The following CDKN1A variants were observed in gnomAD, a reference collection of about 807,000 sequenced individuals.
CDKN1A encodes the protein cyclin dependent kinase inhibitor 1A.
CDKN1A carries 14 observed loss-of-function variants against 14.8 expected under a neutral mutation model. The observed-to-expected ratio is 0.94, with a 90% CI of 0.62 to 1.48. CDKN1A has a LOEUF of 1.48. Ranked by LOEUF, CDKN1A falls within the 40% of genes most tolerant of loss-of-function variation. CDKN1A has a pLI of 0.00. For missense variants in CDKN1A, 203 were observed against 231.7 expected (o/e 0.88, Z 0.80); for synonymous variants, 92 against 93.5 (o/e 0.98, Z 0.09).
upstream of CDKN1A, among the ~76,000 whole-genome samples, chr6:36,677,181 T>C (rs3829967): frequency 0.14 from 21,476 of 152,052 alleles, 1,836 homozygotes; most frequent in African/African-American, 0.23. Context: ...TGCCGTGGCC[T>C]TTCTGGGGTT....
At chr6:36,677,969 CAATT>C, upstream of CDKN1A, 1 of 1,037,778 alleles carries the variant, frequency 9.6e-7, no homozygotes, top group Non-Finnish European at 1.3e-6. Context: ...GTTCAATGTC[CAATT>C]CTTCTGTTTC....
Position 36,685,904 on chromosome 6 carries a change from G to A in CDKN1A, c.*104G>A. On this transcript the variant is annotated 3_prime_UTR_variant, in exon 3 of 3. Transcript: ENST00000244741. ...TTTGTGTGTCTTAATTATTATTTGT[G>A]TTTTAATTTAAACACCTCCTCATGT... is the stretch of plus-strand genomic sequence containing the variant. 8.5e-7 allele frequency: 1 copy of A among 1,178,724 alleles called. No individual in the cohort carries two copies. The highest frequency in any genetic ancestry group is 1.7e-5 in the Admixed American group (1 of 59,018). The allele number at this position is 1,178,724 out of a possible 1,614,324, so 73.0% of individuals were successfully genotyped here.
chr6:36,684,301 G>T lies in CDKN1A; in HGVS notation c.200G>T (p.Arg67Leu), dbSNP rs45548832. The change falls in exon 2 of 3, where the codon CGT becomes CTT. Residue 67 changes from arginine (R) to leucine (L), a missense_variant. Coordinates refer to ENST00000244741, the MANE Select transcript of CDKN1A (RefSeq NM_000389.5). This position sits in a 1 kb window ranked among gnomAD's most constrained non-coding sequence, Gnocchi z 6.0. ...CTGGAGGGTGACTTCGCCTGGGAGC[G>T]TGTGCGGGGCCTTGGCCTGCCCAAG... ...TPLEGDFAWE[R>L]VRGLGLPKLY... 311 of 1,613,138 alleles carry T rather than the reference G, an allele frequency of 1.9e-4. No individual in the cohort carries two copies. The highest frequency in any genetic ancestry group is 2.5e-4 in the Non-Finnish European group (292 of 1,179,988).
rs1762228599 is a variant in CDKN1A at position 36,686,928 on chromosome 6, C to T, written c.*1128C>T. The T allele has an allele frequency of 4.3e-6, 1 of 233,926 alleles. No homozygotes were observed. The highest frequency in any genetic ancestry group is 8.5e-6 in the Non-Finnish European group (1 of 118,204). The allele number at this position is 233,926 out of a possible 1,614,324, so 14.5% of individuals were successfully genotyped here. A position where few individuals can be genotyped will look rare whatever the true frequency, so the allele number is the denominator to read the frequency against. Reference sequence around the variant, plus strand: ...CGTCCAGCGACCTTCCTCATCCACCCCATCCCTCCCCAGTTCATTGCACTT... The same window carrying T: ...CGTCCAGCGACCTTCCTCATCCACCTCATCCCTCCCCAGTTCATTGCACTT... On this transcript the variant is annotated 3_prime_UTR_variant, in exon 3 of 3. Coordinates refer to ENST00000244741, the MANE Select transcript of CDKN1A (RefSeq NM_000389.5). The surrounding 1 kb of genome is among the most constrained non-coding windows in gnomAD (Gnocchi z 4.9).
At chr6:36,682,719 C>T (rs1392598104) in intron 1 of CDKN1A, 1 of 152,292 alleles carries the variant, frequency 6.6e-6, no homozygotes, top group Non-Finnish European at 1.5e-5. Flanking sequence ...GGAGTCAAGC[C>T]AGAGCAGGCA....
At chr6:36,679,865 G>C (rs1352308317) in intron 1 of CDKN1A, among the ~76,000 whole-genome samples, 4 of 151,502 alleles carry the variant, frequency 2.6e-5, no homozygotes, top group Non-Finnish European at 4.4e-5. Flanking sequence ...TCTTTGAGGG[G>C]TGGGGGGTCT....
chr6:36,685,322 G>C (rs1219525946), intron 2 of CDKN1A, among the ~76,000 whole-genome samples: 1 of 152,236 alleles, frequency 6.6e-6, no homozygotes, highest in African/African-American at 2.4e-5. Flanking sequence ...CCCTAGATCA[G>C]CACTGTCCAG....
rs1423988118 is a variant in CDKN1A, at chr6:36,685,847, G to A, written c.*47G>A. 6.5e-7 allele frequency: 1 copy of A among 1,528,298 alleles called. No homozygotes were observed. The highest frequency in any genetic ancestry group is 1.4e-5 in the African/African-American group (1 of 73,080). The allele number at this position is 1,528,298 out of a possible 1,614,324, so 94.7% of individuals were successfully genotyped here. A position where few individuals can be genotyped will look rare whatever the true frequency, so the allele number is the denominator to read the frequency against. ...GTCCTGGAAGCGCGAGGGCCTCAAAGGCCCGCTCTACATCTTCTGCCTTAG... is the reference window on the plus strand; with the variant it reads ...GTCCTGGAAGCGCGAGGGCCTCAAAAGCCCGCTCTACATCTTCTGCCTTAG... On this transcript the variant is annotated 3_prime_UTR_variant, in exon 3 of 3. Transcript: ENST00000244741.
upstream of CDKN1A, among the ~76,000 whole-genome samples, chr6:36,677,277 C>A (rs1761725491): frequency 1.3e-5 from 2 of 152,238 alleles, no homozygotes; most frequent in South Asian, 4.2e-4. Flanking sequence ...GGGCTCCCAT[C>A]CCCACAGCAG....
intron 2 of CDKN1A, among the ~76,000 whole-genome samples, chr6:36,685,449 T>C (rs1762166919): frequency 6.6e-6 from 1 of 152,224 alleles, no homozygotes. Flanking sequence ...TATTTGATTG[T>C]AGTCTGTTTA....
intron 1 of CDKN1A, among the ~76,000 whole-genome samples, chr6:36,682,893 A>G (rs991559393): frequency 5.3e-5 from 8 of 152,356 alleles, no homozygotes; most frequent in African/African-American, 1.9e-4. Context: ...CCAGGTGTCT[A>G]GACTTCAGAT....
In CDKN1A at chr6:36,685,791, G is replaced by A. The variant is rs1201258378; in HGVS notation, c.486G>A (p.Arg162=). Residue 162 remains arginine, a synonymous_variant, in exon 3 of 3, where the codon AGG becomes AGA. Coordinates refer to ENST00000244741, the MANE Select transcript of CDKN1A (RefSeq NM_000389.5). ...AACGCCGGCTGATCTTCTCCAAGAG[G>A]AAGCCCTAATCCGCCCACAGGAAGC... is the stretch of plus-strand genomic sequence containing the variant. The part of the protein sequence containing the change: ...HSKRRLIFSK[R]KP 6.2e-7 allele frequency: 1 copy of A among 1,614,082 alleles called. No individual in the cohort carries two copies. The highest frequency in any genetic ancestry group is 8.5e-7 in the Non-Finnish European group (1 of 1,180,038).
chr6:36,685,865 T>C lies in CDKN1A; in HGVS notation c.*65T>C. On this transcript the variant is annotated 3_prime_UTR_variant, in exon 3 of 3. Coordinates refer to ENST00000244741, the MANE Select transcript of CDKN1A (RefSeq NM_000389.5). ...CCTCAAAGGCCCGCTCTACATCTTCTGCCTTAGTCTCAGTTTGTGTGTCTT... is the reference window on the plus strand; with the variant it reads ...CCTCAAAGGCCCGCTCTACATCTTCCGCCTTAGTCTCAGTTTGTGTGTCTT... 1.4e-6 allele frequency: 2 copies of C among 1,381,114 alleles called. No homozygotes were observed. Among genetic ancestry groups the C allele is most frequent in the Non-Finnish European group, 2.1e-6 (2 of 969,380 alleles). The allele number at this position is 1,381,114 out of a possible 1,614,324, so 85.6% of individuals were successfully genotyped here.
Position 36,686,541 on chromosome 6 carries a change from C to T in CDKN1A, c.*741C>T, listed in dbSNP as rs1002289641. On this transcript the variant is annotated 3_prime_UTR_variant, in exon 3 of 3. Transcript: ENST00000244741. The surrounding 1 kb of genome is among the most constrained non-coding windows in gnomAD (Gnocchi z 4.9). Reference sequence around the variant, plus strand: ...GTTGAGCCTTTTCCCTCTTTGGCTCCCCTGTACCTTTTGAGGAGCCCCAGC... The same window carrying T: ...GTTGAGCCTTTTCCCTCTTTGGCTCTCCTGTACCTTTTGAGGAGCCCCAGC... 2.1e-4 allele frequency: 48 copies of T among 234,040 alleles called. No individual in the cohort carries two copies. Among genetic ancestry groups the T allele is most frequent in the Non-Finnish European group, 3.4e-5 (4 of 118,504 alleles). The allele number at this position is 234,040 out of a possible 1,614,324, so 14.5% of individuals were successfully genotyped here. A position where few individuals can be genotyped will look rare whatever the true frequency, so the allele number is the denominator to read the frequency against.
chr6:36,685,358 G>A (rs541975050), intron 2 of CDKN1A, among the ~76,000 whole-genome samples: 30 of 152,322 alleles, frequency 2.0e-4, no homozygotes, highest in African/African-American at 7.2e-4. Context: ...GGGAGTGTCC[G>A]GTACAGGGGC....
Position 36,684,073 on chromosome 6 carries a change from G to T in CDKN1A, c.-5-24G>T, listed in dbSNP as rs1762103609. The T allele has an allele frequency of 6.2e-7, 1 of 1,610,356 alleles. No homozygotes were observed. ...GTGTCTAATCTCCGCCGTGACCAGG[G>T]CCTTCCTTGTATCTCTGCTGCAGGC... On this transcript the variant is annotated intron_variant, in intron 1 of 2. Coordinates refer to ENST00000244741, the MANE Select transcript of CDKN1A (RefSeq NM_000389.5). The surrounding 1 kb of genome is among the most constrained non-coding windows in gnomAD (Gnocchi z 6.0).
At chr6:36,679,870 G>T (rs1299528005) in intron 1 of CDKN1A, among the ~76,000 whole-genome samples, 7 of 151,890 alleles carry the variant, frequency 4.6e-5, no homozygotes, top group Non-Finnish European at 8.8e-5. Flanking sequence ...GAGGGGTGGG[G>T]GGTCTGGGGG....
At chr6:36,677,561 A>T, upstream of CDKN1A, 1 of 346,904 alleles carries the variant, frequency 2.9e-6, no homozygotes, top group Non-Finnish European at 5.6e-6. Context: ...ATGGGAGCGG[A>T]TAGACACATC....
At chr6:36,676,978 A>T (rs558545538), upstream of CDKN1A, among the ~76,000 whole-genome samples, 1 of 152,294 alleles carries the variant, frequency 6.6e-6, no homozygotes, top group Admixed American at 6.5e-5. Flanking sequence ...ATTAAAAAAA[A>T]TTTTCTCCCC....
Sources: gnomAD v4.1 joint callset for allele counts (sites outside exome capture counted in the v4.1 genomes callset) on GRCh38, gnomAD v4.1.1 for gene constraint, Gnocchi (gnomAD v3.1) non-coding constraint, MANE v1.5 for transcripts, NCBI Gene and HGNC (gene_info 2026-07-23, HGNC 2026-07-21) for gene names.